The following RPIA variants were observed in gnomAD, a reference collection of about 807,000 sequenced individuals.
RPIA encodes ribose 5-phosphate isomerase A.
In RPIA, 29 loss-of-function variants were observed where a neutral mutation model predicts 37.8. That is an observed-to-expected ratio of 0.77 (90% confidence interval 0.57 to 1.05). The LOEUF (loss-of-function observed/expected upper bound fraction) is 1.05, where lower values mean the gene tolerates loss of function less well. RPIA is among the 50% of genes least tolerant of loss of function. The pLI is 0.00. For synonymous variants in RPIA, 167 were observed against 157.0 expected (o/e 1.06, Z -0.48); for missense variants, 385 against 413.6 (o/e 0.93, Z 0.60).
At chr2:88,721,729 A>G (rs1479765937) in intron 3 of RPIA, among the ~76,000 whole-genome samples, 3 of 149,278 alleles carry the variant, frequency 2.0e-5, no homozygotes, top group Non-Finnish European at 4.4e-5. Flanking sequence ...GTTCATATAT[A>G]TTATATAATT....
chr2:88,714,418 C>T (rs1023071113), intron 3 of RPIA, among the ~76,000 whole-genome samples: 1 of 152,164 alleles, frequency 6.6e-6, no homozygotes, highest in East Asian at 1.9e-4. Flanking sequence ...GTGATCTGCC[C>T]GCCTTGGCTT....
intron 5 of RPIA, 102 bp from the exon 6 acceptor site, chr2:88,735,567 T>A: frequency 9.6e-7 from 1 of 1,043,366 alleles, no homozygotes; most frequent in South Asian, 1.3e-5. Context: ...AGTTTCTCTT[T>A]AAGTGCCAGG....
At position 88,721,976 on chromosome 2, in the gene RPIA, GT is replaced by G. The variant is rs56803756; in HGVS notation, c.403-7286del. ...ATTATAGACAGCTTGATCTATAAAA[GT>G]TTTTTTTTTTTTTTTAATCCTTTTA... is the stretch of plus-strand genomic sequence containing the variant. On this transcript the variant is annotated intron_variant, in intron 3 of 8. Coordinates refer to ENST00000283646, the MANE Select transcript of RPIA (RefSeq NM_144563.3). Among the ~76,000 whole-genome samples the G allele has an allele frequency of 9.3e-3, 1,241 of 133,042 alleles. 22 individuals carry two copies. Among genetic ancestry groups the G allele is most frequent in the African/African-American group, 0.027 (987 of 37,060 alleles). 87.3% of individuals were successfully genotyped at this position (133,042 alleles called of 152,430 possible). A position where few individuals can be genotyped will look rare whatever the true frequency, so the allele number is the denominator to read the frequency against.
chr2:88,704,123 A>G (rs1196420195), intron 3 of RPIA, among the ~76,000 whole-genome samples: 1 of 152,130 alleles, frequency 6.6e-6, no homozygotes, highest in African/African-American at 2.4e-5. Flanking sequence ...CAAGTCTCCA[A>G]ACTTAACCAC....
Position 88,747,763 on chromosome 2 carries a change from A to G in RPIA, c.839-2218A>G, listed in dbSNP as rs533860874. 3.9e-5 allele frequency among the ~76,000 whole-genome samples: 6 copies of G among 152,268 alleles called. No homozygotes were observed. In the South Asian group the frequency reaches 1.0e-3, roughly 26 times the overall value. ...TTTTCAGGTTCCCCGGTGGGGATGT[A>G]TGTTCAGAGGCAGACTTTTCCCCCT... On this transcript the variant is annotated intron_variant, in intron 8 of 8. Transcript: ENST00000283646.
intron 3 of RPIA, among the ~76,000 whole-genome samples, chr2:88,726,293 G>A (rs969123403): frequency 6.6e-6 from 1 of 152,106 alleles, no homozygotes; most frequent in Non-Finnish European, 1.5e-5. Context: ...TGTCCAACTC[G>A]TGGCCCAAGA....
At chr2:88,697,196 C>T (rs1160193570) in intron 1 of RPIA, among the ~76,000 whole-genome samples, 1 of 152,180 alleles carries the variant, frequency 6.6e-6, no homozygotes, top group African/African-American at 2.4e-5. Context: ...AAGCAGGTTC[C>T]AGCATCCCAT....
chr2:88,694,979 C>CA (rs61633535), intron 1 of RPIA, among the ~76,000 whole-genome samples: 54,233 of 118,584 alleles, frequency 0.46, 11,131 homozygotes, highest in Admixed American at 0.49. Context: ...AATAAAGTCT[C>CA]AAAAAAAAAA....
intron 1 of RPIA, among the ~76,000 whole-genome samples, chr2:88,694,979 C>CAAAAAA (rs61633535): frequency 1.1e-4 from 13 of 119,124 alleles, no homozygotes; most frequent in Middle Eastern, 5.2e-3. Flanking sequence ...AATAAAGTCT[C>CAAAAAA]AAAAAAAAAA....
chr2:88,694,860 A>C (rs1260162856), intron 1 of RPIA, among the ~76,000 whole-genome samples: 1 of 151,888 alleles, frequency 6.6e-6, no homozygotes, highest in Non-Finnish European at 1.5e-5. Flanking sequence ...CAGCCGTTGC[A>C]GGGTTTCCCC....
chr2:88,720,939 A>G (rs1673113533), intron 3 of RPIA, among the ~76,000 whole-genome samples: 1 of 152,232 alleles, frequency 6.6e-6, no homozygotes, highest in African/African-American at 2.4e-5. Context: ...AGCACTATTC[A>G]CAATAGCAAA....
chr2:88,705,735 C>T (rs183789522), intron 3 of RPIA, among the ~76,000 whole-genome samples: 23 of 152,226 alleles, frequency 1.5e-4, no homozygotes, highest in African/African-American at 4.3e-4. Context: ...AGAGCTTCTG[C>T]GCAGCAAAAG....
chr2:88,725,474 C>G (rs562276964), intron 3 of RPIA, among the ~76,000 whole-genome samples: 2 of 152,100 alleles, frequency 1.3e-5, no homozygotes, highest in African/African-American at 4.8e-5. Context: ...CTAACTCTCT[C>G]GGTGGGTTGC....
chr2:88,746,908 T>G (rs1027601852), intron 8 of RPIA, among the ~76,000 whole-genome samples: 4 of 152,160 alleles, frequency 2.6e-5, no homozygotes, highest in Non-Finnish European at 5.9e-5. Flanking sequence ...GGTGGTGCTT[T>G]CAAGAAAGCA....
intron 8 of RPIA, among the ~76,000 whole-genome samples, chr2:88,742,085 T>C (rs1673389996): frequency 6.6e-6 from 1 of 152,224 alleles, no homozygotes; most frequent in South Asian, 2.1e-4. Flanking sequence ...ATCTTTGTTT[T>C]TGTTCCATTT....
At chr2:88,699,154 A>G (rs1672796500) in intron 2 of RPIA, among the ~76,000 whole-genome samples, 1 of 152,222 alleles carries the variant, frequency 6.6e-6, no homozygotes, top group African/African-American at 2.4e-5. Context: ...CCCAGGAGGT[A>G]AAGTCCAGGA....
In RPIA at chr2:88,699,893, C is replaced by G. The variant is rs1672806543; in HGVS notation, c.347-116C>G. Reference sequence around the variant, plus strand: ...AAGGAGGGGGACACAGGATGAAAGGCAGCTGTCTTTGGGAAATAGACCTTC... The same window carrying G: ...AAGGAGGGGGACACAGGATGAAAGGGAGCTGTCTTTGGGAAATAGACCTTC... On this transcript the variant is annotated intron_variant, in intron 2 of 8. Transcript: ENST00000283646. 1.1e-5 allele frequency: 12 copies of G among 1,047,382 alleles called. No individual in the cohort carries two copies. In the East Asian group the frequency reaches 2.9e-4, roughly 25 times the overall value. The allele number at this position is 1,047,382 out of a possible 1,614,324, so 64.9% of individuals were successfully genotyped here. A position where few individuals can be genotyped will look rare whatever the true frequency, so the allele number is the denominator to read the frequency against.
chr2:88,705,868 AC>A lies in RPIA; in HGVS notation c.402+5805del, dbSNP rs1344239265. 6.6e-5 allele frequency among the ~76,000 whole-genome samples: 10 copies of A among 152,362 alleles called. No homozygotes were observed. The East Asian group carries it at 1.7e-3, about 26-fold the overall frequency. The stretch of plus-strand genomic sequence containing the variant: ...ACTTAAACAAATTTATAAGAAAAAA[AC>A]AAACAGTCCTGTTAAAAAATGGGCA... On this transcript the variant is annotated intron_variant, in intron 3 of 8. Coordinates refer to ENST00000283646, the MANE Select transcript of RPIA (RefSeq NM_144563.3).
chr2:88,695,720 G>A (rs567125066), intron 1 of RPIA, among the ~76,000 whole-genome samples: 1 of 152,286 alleles, frequency 6.6e-6, no homozygotes, highest in South Asian at 2.1e-4. Flanking sequence ...GAGAGCATTG[G>A]TATAGGTGGA....
Sources: allele counts gnomAD v4.1 joint callset (sites outside exome capture counted in the v4.1 genomes callset), GRCh38; gene constraint gnomAD v4.1.1; transcripts MANE v1.5; gene names NCBI Gene and HGNC (gene_info 2026-07-23, HGNC 2026-07-21).